Variants in AGBL1 observed in about 807,000 individuals in gnomAD.
The protein encoded by AGBL1 is cytosolic carboxypeptidase 4.
Under a neutral mutation model 118.9 loss-of-function variants are expected in AGBL1, and 130 were observed. The observed-to-expected ratio is 1.09, with a 90% CI of 0.95 to 1.26. The LOEUF is 1.26. AGBL1 is among the 50% of genes most tolerant of loss of function. The pLI is 0.00. For synonymous variants in AGBL1, 555 were observed against 478.9 expected, an observed-to-expected ratio of 1.16 and a Z score of -2.08; for missense variants, 1,584 against 1,298.1, an observed-to-expected ratio of 1.22 and a Z score of -3.38.
At chr15:86,267,328 G>A (rs902610352) in intron 13 of AGBL1, among the ~76,000 whole-genome samples, 3 of 151,264 alleles carry the variant, frequency 2.0e-5, no homozygotes, top group African/African-American at 7.3e-5. Flanking sequence ...TCATAGCTAA[G>A]TGAGCCATTC....
chr15:86,825,462 T>TAAAA (rs1007536134), intron 22 of AGBL1, among the ~76,000 whole-genome samples: 3 of 65,678 alleles, frequency 4.6e-5, no homozygotes, highest in Non-Finnish European at 9.3e-5. Context: ...CTTTTATCAA[T>TAAAA]AATATACTAA....
rs564149041 is a variant in AGBL1, at chr15:86,649,026, A to G, written c.2995-25247A>G. ...GAGACCCTTTTTAAGAGATGGAGAA[A>G]TGATACCATGTTTGAATGCTGATGG... On this transcript the variant is annotated intron_variant, in intron 21 of 22. Coordinates refer to ENST00000614907, the MANE Select transcript of AGBL1 (RefSeq NM_001386094.1). 2.0e-5 allele frequency among the ~76,000 whole-genome samples: 3 copies of G among 152,280 alleles called. No individual in the cohort carries two copies. In the East Asian group the frequency reaches 5.8e-4, roughly 29 times the overall value.
Position 86,113,540 on chromosome 15 carries a change from C to T in AGBL1, c.52-28464C>T, listed in dbSNP as rs376456820. Among the ~76,000 whole-genome samples the T allele has an allele frequency of 1.4e-3, 219 of 152,138 alleles. 4 individuals carry two copies. In the South Asian group the frequency reaches 0.043, roughly 30 times the overall value. ...ACTTCAGGTGGTCCACCTGCCTTGG[C>T]CTCCCAAAGTGCTGGGATTACAGGT... is the stretch of plus-strand genomic sequence containing the variant. On this transcript the variant is annotated intron_variant, in intron 1 of 22. Transcript: ENST00000614907.
intron 22 of AGBL1, among the ~76,000 whole-genome samples, chr15:86,741,808 A>G (rs1423831964): frequency 6.6e-6 from 1 of 152,092 alleles, no homozygotes; most frequent in Non-Finnish European, 1.5e-5. Flanking sequence ...TAGTTATTCA[A>G]TCTGCAAAAC....
At chr15:86,271,821 T>A in intron 15 of AGBL1, 115 bp downstream of exon 15, 1 of 1,006,954 alleles carries the variant, frequency 9.9e-7, no homozygotes, top group Non-Finnish European at 1.5e-6. Context: ...TGCTAAACTT[T>A]TTGTCACTCT....
chr15:86,721,500 C>G (rs557803291), intron 22 of AGBL1, among the ~76,000 whole-genome samples: 1 of 152,290 alleles, frequency 6.6e-6, no homozygotes, highest in Admixed American at 6.5e-5. Flanking sequence ...GAATATATCT[C>G]AAAATAATAA....
chr15:86,206,967 C>A (rs777027538), intron 5 of AGBL1, among the ~76,000 whole-genome samples: 2 of 152,160 alleles, frequency 1.3e-5, no homozygotes, highest in Non-Finnish European at 2.9e-5. Flanking sequence ...GTCTTTAATC[C>A]ATCTTGAATT....
chr15:86,205,553 A>T (rs186559221), intron 5 of AGBL1, among the ~76,000 whole-genome samples: 187 of 152,334 alleles, frequency 1.2e-3, no homozygotes, highest in African/African-American at 4.4e-3. Context: ...AGTGGTTGTT[A>T]CCGTTTTGCA....
intron 21 of AGBL1, among the ~76,000 whole-genome samples, chr15:86,608,893 A>G (rs2084620723): frequency 6.6e-6 from 1 of 152,182 alleles, no homozygotes; most frequent in South Asian, 2.1e-4. Context: ...GGCCTATCAC[A>G]GGGCTTCCAA....
intron 6 of AGBL1, among the ~76,000 whole-genome samples, chr15:86,245,264 G>T (rs914022540): frequency 3.3e-5 from 5 of 152,174 alleles, no homozygotes; most frequent in African/African-American, 9.7e-5. Context: ...GCACTCACAT[G>T]GTCTTAGGGA....
chr15:86,271,808 G>C, intron 15 of AGBL1, 102 bp downstream of exon 15: 1 of 1,159,718 alleles, frequency 8.6e-7, no homozygotes, highest in East Asian at 2.4e-5. Context: ...ATCTGTGCTT[G>C]TCTGCTAAAC....
intron 5 of AGBL1, among the ~76,000 whole-genome samples, chr15:86,176,458 C>T (rs561270828): frequency 6.6e-6 from 1 of 152,268 alleles, no homozygotes; most frequent in East Asian, 1.9e-4. Context: ...CTCTCAGGTT[C>T]CGGGGAGTGC....
chr15:86,152,223 C>G (rs2077122922), intron 3 of AGBL1, among the ~76,000 whole-genome samples: 1 of 152,080 alleles, frequency 6.6e-6, no homozygotes, highest in South Asian at 2.1e-4. Context: ...CAATCCTAAG[C>G]AAAAAGAATA....
At chr15:86,090,863 A>T (rs1032683551) in intron 1 of AGBL1, among the ~76,000 whole-genome samples, 1 of 152,144 alleles carries the variant, frequency 6.6e-6, no homozygotes, top group Non-Finnish European at 1.5e-5. Flanking sequence ...CTTCTCTGCC[A>T]TACTACTATT....
At chr15:86,311,073 C>T (rs745449523) in intron 17 of AGBL1, among the ~76,000 whole-genome samples, 2 of 152,146 alleles carry the variant, frequency 1.3e-5, no homozygotes, top group African/African-American at 2.4e-5. Flanking sequence ...TCAAGGTCTC[C>T]AAGGCTCAGT....
intron 21 of AGBL1, among the ~76,000 whole-genome samples, chr15:86,563,319 G>A (rs1314363540): frequency 6.6e-6 from 1 of 152,118 alleles, no homozygotes; most frequent in Non-Finnish European, 1.5e-5. Context: ...CTTTAAATGT[G>A]TCCCAGAGAT....
intron 22 of AGBL1, among the ~76,000 whole-genome samples, chr15:86,699,212 A>G (rs1462052023): frequency 6.6e-6 from 1 of 152,060 alleles, no homozygotes; most frequent in African/African-American, 2.4e-5. Flanking sequence ...TTAATATTTT[A>G]TTATACACAG....
At chr15:86,916,461 A>G (rs975825877), downstream of AGBL1, among the ~76,000 whole-genome samples, 1 of 152,142 alleles carries the variant, frequency 6.6e-6, no homozygotes, top group Admixed American at 6.5e-5. Flanking sequence ...GTACATCCAG[A>G]GTCCAGAAAA....
rs1596015464 is a variant in AGBL1 at position 86,361,406 on chromosome 15, G to T, written c.2375-35960G>T. Among the ~76,000 whole-genome samples, 3 of 152,176 alleles carry T rather than the reference G, an allele frequency of 2.0e-5. No homozygotes were observed. The South Asian group carries it at 6.2e-4, about 32-fold the overall frequency. On this transcript the variant is annotated intron_variant, in intron 17 of 22. Transcript: ENST00000614907. ...AAAATGTTCTATGTGCAATTGAGAA[G>T]AAAGTCTTCTATTCTGCTCTTGGGC...
Sources: gnomAD v4.1 joint callset for allele counts (sites outside exome capture counted in the v4.1 genomes callset) on GRCh38, gnomAD v4.1.1 for gene constraint, MANE v1.5 for transcripts, NCBI Gene and HGNC (gene_info 2026-07-23, HGNC 2026-07-21) for gene names.